QNG1: variants seen among roughly 807,000 people sequenced by gnomAD.
The protein encoded by QNG1 is queuosine 5'-phosphate N-glycosylase/hydrolase.
the QNG1 span, chr9:83,955,662 C>T: frequency 6.2e-7 from 1 of 1,605,546 alleles, no homozygotes; most frequent in Non-Finnish European, 8.5e-7. Context: ...AAATAAAATT[C>T]AGAGGACCAA....
At chr9:83,938,931 AGAG>A in the QNG1 span, 8 of 153,200 alleles carry the variant, frequency 5.2e-5, no homozygotes, top group Admixed American at 3.9e-4. Context: ...AAATTTTTGT[AGAG>A]ATGGGGGTCT....
chr9:83,946,142 T>G, the QNG1 span, among the ~76,000 whole-genome samples: 33 of 151,652 alleles, frequency 2.2e-4, no homozygotes, highest in East Asian at 5.3e-3. Context: ...CCGTCTGTAC[T>G]AAAAATACAA....
chr9:83,946,702 C>T, the QNG1 span, among the ~76,000 whole-genome samples: 4 of 152,154 alleles, frequency 2.6e-5, no homozygotes, highest in Non-Finnish European at 5.9e-5. Context: ...GCCTGGAAAA[C>T]GATGAAACTC....
chr9:83,955,303 T>C, the QNG1 span: 4 of 1,482,608 alleles, frequency 2.7e-6, no homozygotes. Flanking sequence ...GTTTTTATTC[T>C]TAAAATGAGT....
the QNG1 span, among the ~76,000 whole-genome samples, chr9:83,952,832 G>A: frequency 1.3e-5 from 2 of 151,242 alleles, no homozygotes; most frequent in Non-Finnish European, 2.9e-5. Context: ...GCTGTGCGTG[G>A]TAGTGGGTGC....
At chr9:83,944,035 A>G in the QNG1 span, among the ~76,000 whole-genome samples, 2 of 152,060 alleles carry the variant, frequency 1.3e-5, no homozygotes, top group Non-Finnish European at 2.9e-5. Context: ...AAACAAACAT[A>G]AAGAGGCCAG....
chr9:83,953,246 T>A, the QNG1 span, among the ~76,000 whole-genome samples: 2 of 152,156 alleles, frequency 1.3e-5, no homozygotes, highest in African/African-American at 4.8e-5. Context: ...GTACATTTTT[T>A]AAAAATTGAA....
At chr9:83,956,701 G>C in the QNG1 span, 4 of 449,240 alleles carry the variant, frequency 8.9e-6, no homozygotes, top group Non-Finnish European at 1.6e-5. Flanking sequence ...AAACCAGAGA[G>C]ACCCCGGGGC....
At chr9:83,956,223 C>A in the QNG1 span, 1 of 1,613,918 alleles carries the variant, frequency 6.2e-7, no homozygotes, top group South Asian at 1.1e-5. Flanking sequence ...GTATGTTTTC[C>A]CTCTGTACCT....
At chr9:83,941,661 T>G in the QNG1 span, among the ~76,000 whole-genome samples, 3 of 151,962 alleles carry the variant, frequency 2.0e-5, no homozygotes, top group African/African-American at 7.3e-5. Flanking sequence ...GCCTGTAATC[T>G]CAGCACTTTG....
At chr9:83,944,690 T>C in the QNG1 span, 1 of 876,872 alleles carries the variant, frequency 1.1e-6, no homozygotes, top group Non-Finnish European at 1.8e-6. Context: ...CTATGAACAA[T>C]AAATAGTACT....
the QNG1 span, chr9:83,956,300 C>T: frequency 2.5e-6 from 4 of 1,614,128 alleles, no homozygotes; most frequent in Non-Finnish European, 3.4e-6. Context: ...TCACGAACAC[C>T]CAGTTGACCG....
At chr9:83,940,440 C>G in the QNG1 span, among the ~76,000 whole-genome samples, 3 of 152,074 alleles carry the variant, frequency 2.0e-5, no homozygotes, top group Admixed American at 2.0e-4. Context: ...GGCAACAGAA[C>G]CAACCGTATC....
the QNG1 span, among the ~76,000 whole-genome samples, chr9:83,947,155 C>G: frequency 6.6e-6 from 1 of 152,182 alleles, no homozygotes; most frequent in South Asian, 2.1e-4. Context: ...CAATCAACTA[C>G]TAGTCCTAAT....
chr9:83,941,092 G>A, the QNG1 span, among the ~76,000 whole-genome samples: 3 of 152,206 alleles, frequency 2.0e-5, no homozygotes, highest in Non-Finnish European at 4.4e-5. Flanking sequence ...AGAGCTATCA[G>A]GTAAGACACT....
At chr9:83,939,533 C>A in the QNG1 span, 4 of 1,612,572 alleles carry the variant, frequency 2.5e-6, no homozygotes, top group African/African-American at 1.3e-5. Context: ...GCAACGTATG[C>A]GATGAAACGG....
chr9:83,948,148 G>A, the QNG1 span, among the ~76,000 whole-genome samples: 2 of 148,900 alleles, frequency 1.3e-5, no homozygotes, highest in African/African-American at 2.5e-5. Flanking sequence ...TGTGAGGAGC[G>A]CCTCTGTCCG....
At chr9:83,954,042 G>A in the QNG1 span, among the ~76,000 whole-genome samples, 6 of 152,092 alleles carry the variant, frequency 3.9e-5, no homozygotes, top group African/African-American at 1.4e-4. Context: ...CTACAGGTGC[G>A]TGCAACCATA....
chr9:83,948,574 GCCA>G, the QNG1 span, among the ~76,000 whole-genome samples: 11 of 152,110 alleles, frequency 7.2e-5, no homozygotes, highest in African/African-American at 2.7e-4. Flanking sequence ...CTGCCCGGCC[GCCA>G]CCACGTCTGG....
Sources: gnomAD v4.1 joint callset for allele counts (sites outside exome capture counted in the v4.1 genomes callset) on GRCh38, gnomAD v4.1.1 for gene constraint, MANE v1.5 for transcripts, NCBI Gene and HGNC (gene_info 2026-07-23, HGNC 2026-07-21) for gene names.